GLIS2: variants seen among roughly 807,000 people sequenced by gnomAD.
GLIS2 encodes the protein zinc finger protein GLIS2.
A neutral mutation model predicts 35.6 loss-of-function variants in GLIS2; 14 were observed. The ratio of observed to expected loss-of-function variants is 0.39; its 90% CI spans 0.26 to 0.61. The LOEUF is 0.61. Ranked by LOEUF, GLIS2 falls within the 20% of genes least tolerant of loss-of-function variation. GLIS2 has a pLI of 0.48. For synonymous variants in GLIS2, 368 were observed against 325.1 expected, an observed-to-expected ratio of 1.13 and a Z score of -1.42; for missense variants, 675 against 713.4, an observed-to-expected ratio of 0.95 and a Z score of 0.61.
intron 1 of GLIS2, among the ~76,000 whole-genome samples, chr16:4,318,001 C>T (rs1056572320): frequency 3.3e-5 from 5 of 152,202 alleles, no homozygotes; most frequent in African/African-American, 9.7e-5. Flanking sequence ...GGCCCAGGCC[C>T]CCTGGGGAGT....
chr16:4,326,048 C>T (rs530450729), intron 1 of GLIS2, among the ~76,000 whole-genome samples: 1 of 150,960 alleles, frequency 6.6e-6, no homozygotes, highest in Admixed American at 6.6e-5. Flanking sequence ...ACCATCCTGG[C>T]TAACACGGTG....
chr16:4,323,230 C>T (rs1034402658), intron 1 of GLIS2, among the ~76,000 whole-genome samples: 1 of 152,316 alleles, frequency 6.6e-6, no homozygotes, highest in Non-Finnish European at 1.5e-5. Flanking sequence ...ATCCCTGTCT[C>T]GCTCCCTGGT....
rs2053504078 is a variant in GLIS2 at position 4,332,205 on chromosome 16, C to T, written c.-66-10C>T. 3 of 1,539,864 alleles carry T rather than the reference C, an allele frequency of 1.9e-6. No individual in the cohort carries two copies. The South Asian group carries it at 3.5e-5, about 18-fold the overall frequency. ...CTCAGTGCCACAGCACAGCTCCTGT[C>T]CTTCCCCAGGTTCCTGCGTGAAGAC... On this transcript the variant is annotated splice_polypyrimidine_tract_variant and intron_variant, in intron 1 of 6. Coordinates refer to ENST00000433375, the MANE Select transcript of GLIS2 (RefSeq NM_032575.3). The surrounding 1 kb of genome is among the most constrained non-coding windows in gnomAD (Gnocchi z 5.4).
chr16:4,318,180 A>T (rs148927080), intron 1 of GLIS2, among the ~76,000 whole-genome samples: 3 of 152,090 alleles, frequency 2.0e-5, no homozygotes, highest in African/African-American at 7.2e-5. Flanking sequence ...CACAGCTTGG[A>T]GGGTGACCGG....
At chr16:4,327,146 G>C (rs1049641499) in intron 1 of GLIS2, among the ~76,000 whole-genome samples, 2 of 152,096 alleles carry the variant, frequency 1.3e-5, no homozygotes, top group Admixed American at 6.5e-5. Flanking sequence ...CTCCTGCCTC[G>C]GCCTCCCAAT....
Position 4,336,950 on chromosome 16 carries a change from C to CTGG in GLIS2, c.1001_1002insTGG (p.Pro334_Pro335insGly). On this transcript the variant is annotated inframe_insertion, in exon 7 of 7. Transcript: ENST00000433375. ...CAAGAGCTCCTGCAGCTGCGCCCACCCCCCAAGCCGCCACTGCCCGCCCCC... is the reference window on the plus strand; with the variant it reads ...CAAGAGCTCCTGCAGCTGCGCCCACCTGGCCCCAAGCCGCCACTGCCCGCCCCC... The CTGG allele has an allele frequency of 6.2e-7, 1 of 1,610,790 alleles. No individual in the cohort carries two copies. Among genetic ancestry groups the CTGG allele is most frequent in the Admixed American group, 1.7e-5 (1 of 59,892 alleles).
At chr16:4,317,711 C>G (rs1389945219) in intron 1 of GLIS2, among the ~76,000 whole-genome samples, 1 of 152,032 alleles carries the variant, frequency 6.6e-6, no homozygotes, top group Non-Finnish European at 1.5e-5. Flanking sequence ...CTTTGCCAAG[C>G]TCCAGCCTGG....
intron 1 of GLIS2, chr16:4,326,486 C>T (rs1410868227): frequency 2.0e-5 from 3 of 152,238 alleles, no homozygotes; most frequent in Non-Finnish European, 2.9e-5. Context: ...ACAGAGGACC[C>T]GCTTCCTTCT....
Position 4,333,337 on chromosome 16 carries a change from T to G in GLIS2, c.173-10T>G, listed in dbSNP as rs761929229. 1.1e-5 allele frequency: 17 copies of G among 1,612,562 alleles called. No homozygotes were observed. The Admixed American group carries it at 2.8e-4, about 27-fold the overall frequency. ...ACTCCAGCACACCCTGAACTGTGCC[T>G]CTCCCTCAGGCTTCCTGCTGAACTC... On this transcript the variant is annotated splice_polypyrimidine_tract_variant and intron_variant, in intron 2 of 6. Transcript: ENST00000433375.
chr16:4,335,026 C>G lies in GLIS2; in HGVS notation c.523-34C>G. 6.2e-7 allele frequency: 1 copy of G among 1,613,226 alleles called. No homozygotes were observed. Among genetic ancestry groups the G allele is most frequent in the Non-Finnish European group, 8.5e-7 (1 of 1,180,020 alleles). On this transcript the variant is annotated intron_variant, in intron 4 of 6. Coordinates refer to ENST00000433375, the MANE Select transcript of GLIS2 (RefSeq NM_032575.3). The surrounding 1 kb of genome is among the most constrained non-coding windows in gnomAD (Gnocchi z 4.6). ...GTGTGGAGTCTGGGGCAGGTCACCC[C>G]GCATGGGCTCAGAACACTTCCCATC...
intron 1 of GLIS2, among the ~76,000 whole-genome samples, chr16:4,326,863 C>T (rs562008154): frequency 1.4e-4 from 21 of 151,436 alleles, no homozygotes; most frequent in African/African-American, 4.9e-4. Flanking sequence ...CTGGTTCAAG[C>T]GATTCTCCTG....
In GLIS2 at chr16:4,338,884, C is replaced by T. The variant is rs1305501519; in HGVS notation, c.*1360C>T. 2.6e-5 allele frequency: 4 copies of T among 152,382 alleles called. No homozygotes were observed. The highest frequency in any genetic ancestry group is 9.6e-5 in the African/African-American group (4 of 41,464). The allele number at this position is 152,382 out of a possible 1,614,324, so 9.4% of individuals were successfully genotyped here. On this transcript the variant is annotated 3_prime_UTR_variant, in exon 7 of 7. Coordinates refer to ENST00000433375, the MANE Select transcript of GLIS2 (RefSeq NM_032575.3). Reference sequence around the variant, plus strand: ...TCTGGGGCCTCTCCCTGCTCCCTCTCCCACCTGGCAGCTGGGAGTTCTGGC... The same window carrying T: ...TCTGGGGCCTCTCCCTGCTCCCTCTTCCACCTGGCAGCTGGGAGTTCTGGC...
At chr16:4,318,974 G>C (rs561278801) in intron 1 of GLIS2, among the ~76,000 whole-genome samples, 71 of 152,302 alleles carry the variant, frequency 4.7e-4, no homozygotes, top group African/African-American at 1.6e-3. Flanking sequence ...TGGAGCTCTT[G>C]TGGGGCATCT....
chr16:4,330,611 G>T (rs1057131872), intron 1 of GLIS2, among the ~76,000 whole-genome samples: 3 of 152,232 alleles, frequency 2.0e-5, no homozygotes, highest in Non-Finnish European at 2.9e-5. Context: ...GGTGGTGAGC[G>T]TGGCTACCTG....
intron 1 of GLIS2, chr16:4,331,719 A>T (rs2053498030): frequency 6.0e-6 from 1 of 165,444 alleles, no homozygotes; most frequent in Non-Finnish European, 1.3e-5. Context: ...AGGCAGGAGG[A>T]TCGCTTGAGG....
chr16:4,323,396 C>T (rs1052515908), intron 1 of GLIS2, among the ~76,000 whole-genome samples: 1 of 152,162 alleles, frequency 6.6e-6, no homozygotes, highest in East Asian at 1.9e-4. Flanking sequence ...AGCACCCCCC[C>T]AAAGCTGGGC....
intron 1 of GLIS2, among the ~76,000 whole-genome samples, chr16:4,330,917 G>A (rs1846921452): frequency 6.6e-6 from 1 of 152,244 alleles, no homozygotes; most frequent in Non-Finnish European, 1.5e-5. Flanking sequence ...ACCAGAATGA[G>A]GGCAAGGAAC....
At chr16:4,330,134 G>A (rs187513388) in intron 1 of GLIS2, among the ~76,000 whole-genome samples, 145 of 152,242 alleles carry the variant, frequency 9.5e-4, no homozygotes, top group Admixed American at 3.5e-3. Flanking sequence ...AAAATTAGCT[G>A]GGTGTGATGG....
At chr16:4,323,461 G>C (rs573402345) in intron 1 of GLIS2, among the ~76,000 whole-genome samples, 4 of 142,530 alleles carry the variant, frequency 2.8e-5, no homozygotes, top group African/African-American at 9.3e-5. Flanking sequence ...GGCAGGCAGC[G>C]GGGGGGTGGA....
Sources: gnomAD v4.1 joint callset for allele counts (sites outside exome capture counted in the v4.1 genomes callset) on GRCh38, gnomAD v4.1.1 for gene constraint, Gnocchi (gnomAD v3.1) non-coding constraint, MANE v1.5 for transcripts, NCBI Gene and HGNC (gene_info 2026-07-23, HGNC 2026-07-21) for gene names.